HEBP2: variants seen among roughly 807,000 people sequenced by gnomAD.
HEBP2 encodes heme-binding protein 2.
In HEBP2, 27 loss-of-function variants were observed where a neutral mutation model predicts 23.1. The observed-to-expected ratio is 1.17, with a 90% CI of 0.86 to 1.61. HEBP2 has a LOEUF of 1.61. Among genes scored for constraint, HEBP2 ranks in the 40% most tolerant of loss-of-function variants. HEBP2 has a pLI of 0.00. For missense variants in HEBP2, 245 were observed against 253.8 expected, an observed-to-expected ratio of 0.97 and a Z score of 0.24; for synonymous variants, 99 against 95.1, an observed-to-expected ratio of 1.04 and a Z score of -0.24.
Position 138,412,994 on chromosome 6 carries a change from C to T in HEBP2, c.534C>T (p.Gly178=). The part of the protein sequence containing the change: ...VFDEKVYYTA[G]YNSPVKLLNR... ...ATGAGAAGGTTTACTACACTGCAGG[C>T]TACAACAGTCCTGTCAAATTGCTTA... Residue 178 remains glycine, a synonymous_variant, in exon 4 of 4, where the codon GGC becomes GGT. Coordinates refer to ENST00000607197, the MANE Select transcript of HEBP2 (RefSeq NM_014320.3). 1 of 1,613,888 alleles carries T rather than the reference C, an allele frequency of 6.2e-7. No individual in the cohort carries two copies. The highest frequency in any genetic ancestry group is 8.5e-7 in the Non-Finnish European group (1 of 1,179,834).
rs777010568 is a variant in HEBP2, at chr6:138,408,642, C to T, written c.419+2491C>T. 3.9e-5 allele frequency among the ~76,000 whole-genome samples: 6 copies of T among 152,248 alleles called. No homozygotes were observed. The East Asian group carries it at 5.8e-4, about 15-fold the overall frequency. ...GACCCTTACAGCAGTCATGTGTGGACGAATCTGTTCCCTTAATACTTGCTT... is the reference window on the plus strand; with the variant it reads ...GACCCTTACAGCAGTCATGTGTGGATGAATCTGTTCCCTTAATACTTGCTT... On this transcript the variant is annotated intron_variant, in intron 3 of 3. Coordinates refer to ENST00000607197, the MANE Select transcript of HEBP2 (RefSeq NM_014320.3).
chr6:138,410,164 A>G (rs1477156601), intron 3 of HEBP2, among the ~76,000 whole-genome samples: 6 of 152,126 alleles, frequency 3.9e-5, no homozygotes, highest in African/African-American at 1.4e-4. Flanking sequence ...TGGCTTATTT[A>G]TAGACGGAAA....
rs551881548 is a variant in HEBP2 at position 138,414,753 on chromosome 6, G to A, written c.*1675G>A. On this transcript the variant is annotated 3_prime_UTR_variant, in exon 4 of 4. Coordinates refer to ENST00000607197, the MANE Select transcript of HEBP2 (RefSeq NM_014320.3). ...TTCCCAGCCAATAACTGAGCAAGGT[G>A]GTGGTATAAGACCTAGCCATTTAGG... The A allele has an allele frequency of 6.6e-6, 1 of 152,344 alleles. No individual in the cohort carries two copies. Among genetic ancestry groups the A allele is most frequent in the East Asian group, 1.9e-4 (1 of 5,186 alleles). 9.4% of individuals were successfully genotyped at this position (152,344 alleles called of 1,614,324 possible).
rs1379827810 is a variant in HEBP2, at chr6:138,418,146, CAG to C, written c.*5072_*5073del. ...ACATTCAGTAAAAAATTACTGGAAACAGAGAAATATAAATTATGGCCCATAAT... is the reference window on the plus strand; with the variant it reads ...ACATTCAGTAAAAAATTACTGGAAACAGAAATATAAATTATGGCCCATAAT... On this transcript the variant is annotated 3_prime_UTR_variant, in exon 4 of 4. Transcript: ENST00000607197. 4.6e-5 allele frequency: 7 copies of C among 152,080 alleles called. No homozygotes were observed. In the South Asian group the frequency reaches 8.3e-4, roughly 18 times the overall value. The allele number at this position is 152,080 out of a possible 1,614,324, so 9.4% of individuals were successfully genotyped here.
chr6:138,404,630 C>T, intron 1 of HEBP2, 33 bp downstream of exon 1: 1 of 1,237,424 alleles, frequency 8.1e-7, no homozygotes, highest in East Asian at 3.2e-5. Context: ...AGGGGCTGGG[C>T]CCGCCTTCCG....
In HEBP2 at chr6:138,414,620, G is replaced by C. The variant is rs1774811192; in HGVS notation, c.*1542G>C. ...ACAGTCTCCCCGTTACCGTCTTCAG[G>C]GTCCACGCCAGATTTCAAGATAAGG... On this transcript the variant is annotated 3_prime_UTR_variant, in exon 4 of 4. Transcript: ENST00000607197. 1 of 152,154 alleles carries C rather than the reference G, an allele frequency of 6.6e-6. No individual in the cohort carries two copies. The highest frequency in any genetic ancestry group is 2.4e-5 in the African/African-American group (1 of 41,418). 9.4% of individuals were successfully genotyped at this position (152,154 alleles called of 1,614,324 possible).
rs1052686165 is a variant in HEBP2, at chr6:138,420,777, G to A, written c.*7699G>A. The A allele has an allele frequency of 6.6e-5, 10 of 152,176 alleles. No individual in the cohort carries two copies. Among genetic ancestry groups the A allele is most frequent in the East Asian group, 3.8e-4 (2 of 5,202 alleles). The allele number at this position is 152,176 out of a possible 1,614,324, so 9.4% of individuals were successfully genotyped here. A position where few individuals can be genotyped will look rare whatever the true frequency, so the allele number is the denominator to read the frequency against. ...GCAGCTCGCCTGCTCTCCCTGCCTC[G>A]TCCTGCTTCCTCTTTTCCTTTCAAA... On this transcript the variant is annotated 3_prime_UTR_variant, in exon 4 of 4. Transcript: ENST00000607197.
rs1392886276 is a variant in HEBP2, at chr6:138,419,896, C to T, written c.*6818C>T. ...ATATTGCAAGAATCCCATTGAACTACAGTCTGCTGCTACTATGTGGGCACT... is the reference window on the plus strand; with the variant it reads ...ATATTGCAAGAATCCCATTGAACTATAGTCTGCTGCTACTATGTGGGCACT... On this transcript the variant is annotated 3_prime_UTR_variant, in exon 4 of 4. Transcript: ENST00000607197. 1 of 152,222 alleles carries T rather than the reference C, an allele frequency of 6.6e-6. No individual in the cohort carries two copies. Among genetic ancestry groups the T allele is most frequent in the Non-Finnish European group, 1.5e-5 (1 of 68,060 alleles). 9.4% of individuals were successfully genotyped at this position (152,222 alleles called of 1,614,324 possible).
chr6:138,417,703 CACAG>C lies in HEBP2; in HGVS notation c.*4631_*4634del, dbSNP rs1288395127. 2.6e-5 allele frequency: 4 copies of C among 152,486 alleles called. No homozygotes were observed. Among genetic ancestry groups the C allele is most frequent in the Admixed American group, 6.5e-5 (1 of 15,278 alleles). The allele number at this position is 152,486 out of a possible 1,614,324, so 9.4% of individuals were successfully genotyped here. Reference sequence around the variant, plus strand: ...AGTGAGAGGAGAGGAGGCAGCAGCACACAGACAGAGAGTGCTGTAGATCTGCAGT... The same window carrying C: ...AGTGAGAGGAGAGGAGGCAGCAGCACACAGAGAGTGCTGTAGATCTGCAGT... On this transcript the variant is annotated 3_prime_UTR_variant, in exon 4 of 4. Coordinates refer to ENST00000607197, the MANE Select transcript of HEBP2 (RefSeq NM_014320.3).
chr6:138,409,821 T>C (rs1254596934), intron 3 of HEBP2, among the ~76,000 whole-genome samples: 6 of 152,212 alleles, frequency 3.9e-5, no homozygotes, highest in African/African-American at 1.4e-4. Context: ...TCATGTAACA[T>C]GCCATGTTCT....
Position 138,415,606 on chromosome 6 carries a change from CTG to C in HEBP2, c.*2531_*2532del, listed in dbSNP as rs1410079956. ...AAACTAAGTGTGAGCCGCAGAGTCT[CTG>C]TGGTAGCTTGCCAACAATCCTCATC... On this transcript the variant is annotated 3_prime_UTR_variant, in exon 4 of 4. Coordinates refer to ENST00000607197, the MANE Select transcript of HEBP2 (RefSeq NM_014320.3). The C allele has an allele frequency of 9.2e-5, 14 of 152,128 alleles. No individual in the cohort carries two copies. Among genetic ancestry groups the C allele is most frequent in the Non-Finnish European group, 2.9e-5 (2 of 68,024 alleles). 9.4% of individuals were successfully genotyped at this position (152,128 alleles called of 1,614,324 possible).
At position 138,412,801 on chromosome 6, in the gene HEBP2, T is replaced by TA; in HGVS notation, c.420-78dup. ...GCACTTCACTCAGCATTCACGGTACTAGCGCCCGCTTTTTGCTTCAGACTG... is the reference window on the plus strand; with the variant it reads ...GCACTTCACTCAGCATTCACGGTACTAAGCGCCCGCTTTTTGCTTCAGACTG... On this transcript the variant is annotated intron_variant, in intron 3 of 3. Coordinates refer to ENST00000607197, the MANE Select transcript of HEBP2 (RefSeq NM_014320.3). 2.4e-6 allele frequency: 3 copies of TA among 1,238,152 alleles called. No homozygotes were observed. In the South Asian group the frequency reaches 3.8e-5, roughly 16 times the overall value. The allele number at this position is 1,238,152 out of a possible 1,614,324, so 76.7% of individuals were successfully genotyped here. A position where few individuals can be genotyped will look rare whatever the true frequency, so the allele number is the denominator to read the frequency against.
chr6:138,418,338 G>A lies in HEBP2; in HGVS notation c.*5260G>A, dbSNP rs1299022335. ...GCCCAATGAGAGAATCACAGTGCAG[G>A]TCCCTGGGGCCCTGAAGGAAGGTGG... On this transcript the variant is annotated 3_prime_UTR_variant, in exon 4 of 4. Coordinates refer to ENST00000607197, the MANE Select transcript of HEBP2 (RefSeq NM_014320.3). 1.3e-5 allele frequency: 2 copies of A among 152,200 alleles called. No homozygotes were observed. The highest frequency in any genetic ancestry group is 2.4e-5 in the African/African-American group (1 of 41,444). 9.4% of individuals were successfully genotyped at this position (152,200 alleles called of 1,614,324 possible).
chr6:138,417,038 A>G lies in HEBP2; in HGVS notation c.*3960A>G, dbSNP rs189681337. The G allele has an allele frequency of 6.6e-6, 1 of 152,300 alleles. No homozygotes were observed. The highest frequency in any genetic ancestry group is 1.5e-5 in the Non-Finnish European group (1 of 68,034). The allele number at this position is 152,300 out of a possible 1,614,324, so 9.4% of individuals were successfully genotyped here. On this transcript the variant is annotated 3_prime_UTR_variant, in exon 4 of 4. Coordinates refer to ENST00000607197, the MANE Select transcript of HEBP2 (RefSeq NM_014320.3). ...GTGGCTCTACCCTGGGGAAAGAGGAATACCTGGATACGTCAGGGTCCAAGT... is the reference window on the plus strand; with the variant it reads ...GTGGCTCTACCCTGGGGAAAGAGGAGTACCTGGATACGTCAGGGTCCAAGT...
chr6:138,403,827 G>C, upstream of HEBP2: 1 of 400,212 alleles, frequency 2.5e-6, no homozygotes, highest in Non-Finnish European at 4.4e-6. Context: ...AACCAGAACA[G>C]TTCCAGATTC....
In HEBP2 at chr6:138,405,296, C is replaced by T. The variant is rs970990245; in HGVS notation, c.238+16C>T. 6.2e-7 allele frequency: 1 copy of T among 1,613,914 alleles called. No homozygotes were observed. Among genetic ancestry groups the T allele is most frequent in the African/African-American group, 1.3e-5 (1 of 75,028 alleles). ...AACGAGAAAGGTAAAAGCAGTTTTCCTTGTAATTATGCATATTGTGAAAGA... is the reference window on the plus strand; with the variant it reads ...AACGAGAAAGGTAAAAGCAGTTTTCTTTGTAATTATGCATATTGTGAAAGA... On this transcript the variant is annotated intron_variant, in intron 2 of 3. Transcript: ENST00000607197.
chr6:138,410,215 T>A (rs1482088649), intron 3 of HEBP2, among the ~76,000 whole-genome samples: 2 of 152,202 alleles, frequency 1.3e-5, no homozygotes, highest in East Asian at 3.8e-4. Flanking sequence ...TGTCCATATA[T>A]TCCAGCCCCT....
chr6:138,405,937 A>G, intron 2 of HEBP2, 34 bp from the exon 3 acceptor site: 1 of 1,578,898 alleles, frequency 6.3e-7, no homozygotes, highest in Non-Finnish European at 8.6e-7. Flanking sequence ...GCTGTCAAAA[A>G]TACACTAAAT....
chr6:138,414,349 G>C lies in HEBP2; in HGVS notation c.*1271G>C, dbSNP rs796599062. 7.2e-5 allele frequency: 11 copies of C among 152,370 alleles called. No homozygotes were observed. The highest frequency in any genetic ancestry group is 2.6e-4 in the African/African-American group (11 of 41,576). The allele number at this position is 152,370 out of a possible 1,614,324, so 9.4% of individuals were successfully genotyped here. A position where few individuals can be genotyped will look rare whatever the true frequency, so the allele number is the denominator to read the frequency against. ...GCATTTAGGAGTCGAGGGAGCTTTA[G>C]TTGTGGGGATGCAGTTACCAGAGTG... On this transcript the variant is annotated 3_prime_UTR_variant, in exon 4 of 4. Transcript: ENST00000607197.
Sources: gnomAD v4.1 joint callset for allele counts (sites outside exome capture counted in the v4.1 genomes callset) on GRCh38, gnomAD v4.1.1 for gene constraint, MANE v1.5 for transcripts, NCBI Gene and HGNC (gene_info 2026-07-23, HGNC 2026-07-21) for gene names.